ARFGAP1: variants seen among roughly 807,000 people sequenced by gnomAD.
ARFGAP1 encodes ARF GTPase activating protein 1, also known as ADP-ribosylation factor GTPase-activating protein 1.
Under a neutral mutation model 54.0 loss-of-function variants are expected in ARFGAP1, and 26 were observed. The observed-to-expected ratio is 0.48, with a 90% CI of 0.35 to 0.67. The LOEUF is 0.67. Ranked by LOEUF, ARFGAP1 falls within the 30% of genes least tolerant of loss-of-function variation. The pLI is 0.00. For synonymous variants in ARFGAP1, 248 were observed against 211.9 expected (o/e 1.17, Z -1.48); for missense variants, 525 against 535.8 (o/e 0.98, Z 0.20).
At chr20:63,279,199 CTTT>C (rs758984547) in intron 7 of ARFGAP1, 894 of 554,884 alleles carry the variant, frequency 1.6e-3, no homozygotes, top group Middle Eastern at 3.3e-3. Context: ...CAATCACTTC[CTTT>C]TTTTTTTTTT....
intron 9 of ARFGAP1, chr20:63,284,648 TTGG>T: frequency 7.2e-7 from 1 of 1,389,322 alleles, no homozygotes; most frequent in South Asian, 1.5e-5. Flanking sequence ...CCTGCAAGAA[TTGG>T]TGGGGGCCGC....
intron 9 of ARFGAP1, chr20:63,284,587 C>T: frequency 7.7e-7 from 1 of 1,307,110 alleles, no homozygotes; most frequent in Non-Finnish European, 9.8e-7. Flanking sequence ...CCAGCCCGGC[C>T]CGGCAGGGCC....
At chr20:63,275,990 G>A (rs1277237151) in intron 2 of ARFGAP1, 101 bp from the exon 3 acceptor site, 5 of 1,069,240 alleles carry the variant, frequency 4.7e-6, no homozygotes, top group Non-Finnish European at 7.2e-6. Flanking sequence ...GCCACCCTGG[G>A]CAGCCCTCTG....
At position 63,288,745 on chromosome 20, in the gene ARFGAP1, G is replaced by T. The variant is rs1295950807; in HGVS notation, c.*872G>T. The T allele has an allele frequency of 8.6e-5, 30 of 349,394 alleles. No individual in the cohort carries two copies. Among genetic ancestry groups the T allele is most frequent in the South Asian group, 6.0e-4 (28 of 46,960 alleles). 21.6% of individuals were successfully genotyped at this position (349,394 alleles called of 1,614,324 possible). On this transcript the variant is annotated 3_prime_UTR_variant, in exon 13 of 13. Coordinates refer to ENST00000370283, the MANE Select transcript of ARFGAP1 (RefSeq NM_018209.4). ...GAAGCTCCAGCCCCAGGATGGGGCT[G>T]CCCTGCACACCGGTGCCCGCCACAT...
At chr20:63,273,594 G>T (rs1456780781) in intron 1 of ARFGAP1, 1 of 151,974 alleles carries the variant, frequency 6.6e-6, no homozygotes, top group Non-Finnish European at 1.5e-5. Flanking sequence ...GTCACGTAGA[G>T]GAGTTCCTCT....
At chr20:63,273,292 G>C (rs892139202) in intron 1 of ARFGAP1, 1 of 152,198 alleles carries the variant, frequency 6.6e-6, no homozygotes, top group Non-Finnish European at 1.5e-5. Context: ...GCGCGAGCAG[G>C]ACCCTGCCCC....
Position 63,285,723 on chromosome 20 carries a change from C to T in ARFGAP1, c.834+10C>T. 1.9e-6 allele frequency: 3 copies of T among 1,612,976 alleles called. No homozygotes were observed. Among genetic ancestry groups the T allele is most frequent in the Non-Finnish European group, 2.5e-6 (3 of 1,179,484 alleles). On this transcript the variant is annotated intron_variant, in intron 11 of 12. Transcript: ENST00000370283. ...TCAGTTGGCGTCCAAGGTAGGGAGC[C>T]TGCCAGATACGCGGGCACAGTCGAA...
chr20:63,283,113 A>G (rs911065), intron 9 of ARFGAP1: 254,839 of 542,186 alleles, frequency 0.47, 61,659 homozygotes, highest in Admixed American at 0.53. Flanking sequence ...TGGCCACTGC[A>G]GCCGGCCACC....
intron 7 of ARFGAP1, among the ~76,000 whole-genome samples, chr20:63,279,793 G>A (rs898801498): frequency 4.6e-5 from 7 of 152,152 alleles, no homozygotes; most frequent in African/African-American, 1.4e-4. Context: ...TGCTATTAAC[G>A]GGAATACATT....
intron 12 of ARFGAP1, among the ~76,000 whole-genome samples, chr20:63,287,206 G>T (rs1364893332): frequency 6.6e-6 from 1 of 152,290 alleles, no homozygotes; most frequent in Non-Finnish European, 1.5e-5. Flanking sequence ...GTAGCTGAGG[G>T]CGTCGCTCGG....
chr20:63,282,026 C>G (rs918333771), intron 8 of ARFGAP1, among the ~76,000 whole-genome samples: 9 of 152,012 alleles, frequency 5.9e-5, no homozygotes, highest in African/African-American at 1.9e-4. Flanking sequence ...CACCCTGGCC[C>G]CGTGTCTTCC....
chr20:63,287,706 G>A lies in ARFGAP1; in HGVS notation c.1054G>A (p.Ala352Thr), dbSNP rs748858719. Residue 352 changes from alanine to threonine, a missense_variant, in exon 13 of 13, where the codon GCG (alanine) becomes ACG (threonine). Around this residue, in one of 3 missense-constraint regions of ARFGAP1, gnomAD observed 466 missense variants for 453.6 expected, o/e 1.03. Transcript: ENST00000370283. The stretch of plus-strand genomic sequence containing the variant: ...CCCGAGCAGCGACAGCTGGACGTGC[G>A]CGGACACCTCCACCGAGAGGAGGAG... Reference protein sequence around the residue: ...KSPSSDSWTCADTSTERRSSD... With the variant: ...KSPSSDSWTCTDTSTERRSSD... The A allele has an allele frequency of 1.9e-5, 30 of 1,611,912 alleles. No homozygotes were observed. Among genetic ancestry groups the A allele is most frequent in the African/African-American group, 1.2e-4 (9 of 74,866 alleles).
In ARFGAP1 at chr20:63,283,255, G is replaced by A. The variant is rs531774589; in HGVS notation, c.717+404G>A. ...CGTCTGCACTTCGAGGCAACGGAGCGTCTCTTTGCTCTGGCCAGGGCTTCC... is the reference window on the plus strand; with the variant it reads ...CGTCTGCACTTCGAGGCAACGGAGCATCTCTTTGCTCTGGCCAGGGCTTCC... On this transcript the variant is annotated intron_variant, in intron 9 of 12. Transcript: ENST00000370283. 3.1e-5 allele frequency: 8 copies of A among 255,484 alleles called. No homozygotes were observed. The South Asian group carries it at 3.4e-4, about 11-fold the overall frequency. 15.8% of individuals were successfully genotyped at this position (255,484 alleles called of 1,614,324 possible). A position where few individuals can be genotyped will look rare whatever the true frequency, so the allele number is the denominator to read the frequency against.
Position 63,287,666 on chromosome 20 carries a change from C to T in ARFGAP1, c.1014C>T (p.Thr338=), listed in dbSNP as rs145833445. 1.1e-4 allele frequency: 180 copies of T among 1,612,464 alleles called. 2 individuals carry two copies. The highest frequency in any genetic ancestry group is 2.1e-5 in the Non-Finnish European group (25 of 1,179,906). ...FWETFGSAEP[T]KTRKSPSSDS... is the part of the protein sequence containing the mutation. Reference sequence around the variant, plus strand: ...AGACCTTTGGAAGTGCTGAGCCCACCAAGACCCGCAAGTCCCCGAGCAGCG... The same window carrying T: ...AGACCTTTGGAAGTGCTGAGCCCACTAAGACCCGCAAGTCCCCGAGCAGCG... The change falls in exon 13 of 13, where the codon ACC becomes ACT. Residue 338 remains threonine, a synonymous_variant. Transcript: ENST00000370283.
At chr20:63,273,433 A>T (rs748837339) in intron 1 of ARFGAP1, 1 of 152,182 alleles carries the variant, frequency 6.6e-6, no homozygotes, top group Non-Finnish European at 1.5e-5. Flanking sequence ...AGAAGGAGAT[A>T]TATTTTTACA....
rs954217488 is a variant in ARFGAP1, at chr20:63,288,635, G to A, written c.*762G>A. 5 of 405,852 alleles carry A rather than the reference G, an allele frequency of 1.2e-5. No individual in the cohort carries two copies. The highest frequency in any genetic ancestry group is 1.1e-4 in the Admixed American group (4 of 37,646). 25.1% of individuals were successfully genotyped at this position (405,852 alleles called of 1,614,324 possible). ...TGGGCCCTCGGCCCTGATGCAGGAG[G>A]GTGCGATAGCGGACGTGGCCAGGCA... On this transcript the variant is annotated 3_prime_UTR_variant, in exon 13 of 13. Coordinates refer to ENST00000370283, the MANE Select transcript of ARFGAP1 (RefSeq NM_018209.4).
rs1210616866 is a variant in ARFGAP1 at position 63,282,928 on chromosome 20, C to CT, written c.717+78dup. The CT allele has an allele frequency of 2.0e-6, 3 of 1,516,168 alleles. No individual in the cohort carries two copies. The African/African-American group carries it at 4.1e-5, about 21-fold the overall frequency. The allele number at this position is 1,516,168 out of a possible 1,614,324, so 93.9% of individuals were successfully genotyped here. On this transcript the variant is annotated intron_variant, in intron 9 of 12. Transcript: ENST00000370283. ...CTGACGTCACGTGCAGCACCTGAAGCTGCCTGGTTCCCTCTTCTCAGGCCA... is the reference window on the plus strand; with the variant it reads ...CTGACGTCACGTGCAGCACCTGAAGCTTGCCTGGTTCCCTCTTCTCAGGCCA...
At chr20:63,282,708 G>GC (rs2067416054) in intron 8 of ARFGAP1, 111 bp from the exon 9 acceptor site, 2 of 1,125,832 alleles carry the variant, frequency 1.8e-6, no homozygotes, top group East Asian at 2.4e-5. Context: ...GCCGCTGGCA[G>GC]CCCGGGGGCC....
Position 63,288,159 on chromosome 20 carries a change from A to T in ARFGAP1, c.*286A>T. 1.7e-6 allele frequency: 1 copy of T among 587,516 alleles called. No individual in the cohort carries two copies. The highest frequency in any genetic ancestry group is 1.8e-5 in the South Asian group (1 of 55,596). 36.4% of individuals were successfully genotyped at this position (587,516 alleles called of 1,614,324 possible). A position where few individuals can be genotyped will look rare whatever the true frequency, so the allele number is the denominator to read the frequency against. ...CCGGGGCTCTGCGTGGCTTGCTGGG[A>T]GGTGGGCTGCAGCACAGAGGCCTGT... On this transcript the variant is annotated 3_prime_UTR_variant, in exon 13 of 13. Coordinates refer to ENST00000370283, the MANE Select transcript of ARFGAP1 (RefSeq NM_018209.4).
Sources: gnomAD v4.1 joint callset for allele counts (sites outside exome capture counted in the v4.1 genomes callset) on GRCh38, gnomAD v4.1.1 for gene constraint, gnomAD v4.1.1 regional missense constraint, MANE v1.5 for transcripts, NCBI Gene and HGNC (gene_info 2026-07-23, HGNC 2026-07-21) for gene names.